The following DNM1 variants were observed in gnomAD, a reference collection of about 807,000 sequenced individuals.
The protein encoded by DNM1 is dynamin-1.
A neutral mutation model predicts 104.6 loss-of-function variants in DNM1; 29 were observed. The ratio of observed to expected loss-of-function variants is 0.28; its 90% CI spans 0.21 to 0.38. The LOEUF is 0.38. Ranked by LOEUF, DNM1 falls within the 10% of genes least tolerant of loss-of-function variation. The pLI is 1.00. For missense variants in DNM1, 640 were observed against 1,189.4 expected (o/e 0.54, Z 6.79); for synonymous variants, 445 against 475.8 (o/e 0.94, Z 0.84).
At position 128,222,725 on chromosome 9, in the gene DNM1, G is replaced by A; in HGVS notation, c.1129-68G>A. The A allele has an allele frequency of 1.2e-6, 2 of 1,605,700 alleles. No individual in the cohort carries two copies. Among genetic ancestry groups the A allele is most frequent in the South Asian group, 1.1e-5 (1 of 90,590 alleles). ...GATGCCCAGCCCTAGGTGTGGGGTG[G>A]GCCCTGTCTTGACCTCCCAGGTAGT... On this transcript the variant is annotated intron_variant, in intron 8 of 21. Coordinates refer to ENST00000372923, the MANE Select transcript of DNM1 (RefSeq NM_004408.4). The surrounding 1 kb of genome is among the most constrained non-coding windows in gnomAD (Gnocchi z 7.8).
At chr9:128,229,900 G>A (rs776357378) in intron 10 of DNM1, among the ~76,000 whole-genome samples, 12 of 151,462 alleles carry the variant, frequency 7.9e-5, no homozygotes, top group South Asian at 2.1e-4. Flanking sequence ...GTGACAGAGC[G>A]AGACTCCGTC....
rs1296184171 is a variant in DNM1 at position 128,253,744 on chromosome 9, A to G, written c.2535-910A>G. 5.5e-6 allele frequency: 2 copies of G among 363,352 alleles called. No individual in the cohort carries two copies. The highest frequency in any genetic ancestry group is 4.7e-5 in the Admixed American group (1 of 21,184). 22.5% of individuals were successfully genotyped at this position (363,352 alleles called of 1,614,324 possible). On this transcript the variant is annotated intron_variant, in intron 21 of 21. Coordinates refer to ENST00000372923, the MANE Select transcript of DNM1 (RefSeq NM_004408.4). This position sits in a 1 kb window ranked among gnomAD's most constrained non-coding sequence, Gnocchi z 5.9. ...ACGGTCATCCCACGACATACCTCAC[A>G]GGCCAGGCAGGGACACACAGCCCCC...
intron 20 of DNM1, 53 bp downstream of exon 20, chr9:128,250,409 G>A (rs1588458518): frequency 6.6e-7 from 1 of 1,504,058 alleles, no homozygotes; most frequent in Non-Finnish European, 8.9e-7. Context: ...GGGCCCGCGG[G>A]AGGAATGCCG....
chr9:128,235,713 T>C (rs1835970345), intron 11 of DNM1, among the ~76,000 whole-genome samples: 1 of 152,080 alleles, frequency 6.6e-6, no homozygotes, highest in Admixed American at 6.6e-5. Context: ...GCTGGTTCTA[T>C]GCTTATTTTT....
chr9:128,218,378 C>A lies in DNM1; in HGVS notation c.235+74C>A. Reference sequence around the variant, plus strand: ...CCCCCGTCCCCAAGCTGAGGGCCAGCCTGGCCACGAACTTGCTTGCTGTGT... The same window carrying A: ...CCCCCGTCCCCAAGCTGAGGGCCAGACTGGCCACGAACTTGCTTGCTGTGT... On this transcript the variant is annotated intron_variant, in intron 2 of 21. Transcript: ENST00000372923. The surrounding 1 kb of genome is among the most constrained non-coding windows in gnomAD (Gnocchi z 4.8). The A allele has an allele frequency of 6.4e-7, 1 of 1,552,400 alleles. No homozygotes were observed.
In DNM1 at chr9:128,224,379, G is replaced by A; in HGVS notation, c.1325G>A (p.Cys442Tyr). The A allele has an allele frequency of 6.2e-7, 1 of 1,609,792 alleles. No homozygotes were observed. The highest frequency in any genetic ancestry group is 8.5e-7 in the Non-Finnish European group (1 of 1,176,880). The part of the protein sequence containing the change: ...ISELISTVRQ[C>Y]TKKLQQYPRL... Reference sequence around the variant, plus strand: ...GAGCTAATCAGCACCGTTAGACAGTGCACCAAGAAGGTAACCCGGAGGCCC... The same window carrying A: ...GAGCTAATCAGCACCGTTAGACAGTACACCAAGAAGGTAACCCGGAGGCCC... Residue 442 changes from cysteine (C) to tyrosine (Y), a missense_variant, in exon 10 of 22, where the codon TGC becomes TAC. This residue lies in a region of DNM1 where 92 missense variants were observed against 124.4 expected (regional missense o/e 0.74). Coordinates refer to ENST00000372923, the MANE Select transcript of DNM1 (RefSeq NM_004408.4). This position sits in a 1 kb window ranked among gnomAD's most constrained non-coding sequence, Gnocchi z 4.3.
intron 1 of DNM1, among the ~76,000 whole-genome samples, chr9:128,204,667 G>T (rs1833795723): frequency 6.6e-6 from 1 of 152,114 alleles, no homozygotes; most frequent in South Asian, 2.1e-4. Context: ...TACTGGAGGT[G>T]GGTTGGGGGG....
intron 10 of DNM1, among the ~76,000 whole-genome samples, chr9:128,233,307 G>C (rs1835811600): frequency 6.6e-6 from 1 of 152,206 alleles, no homozygotes; most frequent in Admixed American, 6.5e-5. Flanking sequence ...AAGGGAGACA[G>C]AGCTGAATGG....
chr9:128,219,077 C>G lies in DNM1; in HGVS notation c.414C>G (p.Pro138=), dbSNP rs141748215. Residue 138 remains proline, a synonymous_variant, in exon 4 of 22, where the codon CCC becomes CCG. Transcript: ENST00000372923. ...HVLNLTLVDL[P]GMTKVPVGDQ... is the part of the protein sequence containing the mutation. ...TGAACCTGACCCTGGTGGACCTGCC[C>G]GGAATGACCAAGGTCCCGGTGGGGG... 2 of 1,614,120 alleles carry G rather than the reference C, an allele frequency of 1.2e-6. No individual in the cohort carries two copies. The highest frequency in any genetic ancestry group is 1.3e-5 in the African/African-American group (1 of 75,052).
Position 128,254,491 on chromosome 9 carries a change from C to A in DNM1, c.2535-163C>A. On this transcript the variant is annotated intron_variant, in intron 21 of 21. Coordinates refer to ENST00000372923, the MANE Select transcript of DNM1 (RefSeq NM_004408.4). The surrounding 1 kb of genome is among the most constrained non-coding windows in gnomAD (Gnocchi z 6.1). ...CTTCCTCCCCTTTCCCTTCCAGCCC[C>A]TTTTCCAGGAACCTTGCCACACCCA... 1 of 1,516,262 alleles carries A rather than the reference C, an allele frequency of 6.6e-7. No individual in the cohort carries two copies. 93.9% of individuals were successfully genotyped at this position (1,516,262 alleles called of 1,614,324 possible).
rs1836274835 is a variant in DNM1, at chr9:128,240,145, C to CA, written c.1557+150dup. 1.1e-6 allele frequency: 1 copy of CA among 932,734 alleles called. No homozygotes were observed. Among genetic ancestry groups the CA allele is most frequent in the African/African-American group, 1.6e-5 (1 of 61,732 alleles). 57.8% of individuals were successfully genotyped at this position (932,734 alleles called of 1,614,324 possible). A position where few individuals can be genotyped will look rare whatever the true frequency, so the allele number is the denominator to read the frequency against. ...TGGCATTTCACACCTGCCCTCAGGC[C>CA]AGAGGCAGGCCCAGCCGCATCCACC... On this transcript the variant is annotated intron_variant, in intron 14 of 21. Transcript: ENST00000372923. The surrounding 1 kb of genome is among the most constrained non-coding windows in gnomAD (Gnocchi z 5.1).
At position 128,245,264 on chromosome 9, in the gene DNM1, G is replaced by T. The variant is rs984652054; in HGVS notation, c.1672-1130G>T. Among the ~76,000 whole-genome samples the T allele has an allele frequency of 6.6e-6, 1 of 151,710 alleles. No homozygotes were observed. The highest frequency in any genetic ancestry group is 1.5e-5 in the Non-Finnish European group (1 of 67,896). On this transcript the variant is annotated intron_variant, in intron 15 of 21. Transcript: ENST00000372923. This position sits in a 1 kb window ranked among gnomAD's most constrained non-coding sequence, Gnocchi z 5.2. ...ATGTGGCTGCATGGGCCAGGGGGGC[G>T]TTGGGGGCAGAGAGGGGTGGGCGGG...
At chr9:128,211,600 G>A (rs912977983) in intron 1 of DNM1, among the ~76,000 whole-genome samples, 5 of 148,822 alleles carry the variant, frequency 3.4e-5, no homozygotes, top group Admixed American at 1.4e-4. Flanking sequence ...TTGAACTCCT[G>A]GCCCCAAGCG....
chr9:128,247,874 T>TTTC lies in DNM1; in HGVS notation c.1894-50_1894-49insTTC. 1 of 1,608,230 alleles carries TTTC rather than the reference T, an allele frequency of 6.2e-7. No homozygotes were observed. Among genetic ancestry groups the TTTC allele is most frequent in the African/African-American group, 1.3e-5 (1 of 74,846 alleles). On this transcript the variant is annotated intron_variant, in intron 17 of 21. Coordinates refer to ENST00000372923, the MANE Select transcript of DNM1 (RefSeq NM_004408.4). This position sits in a 1 kb window ranked among gnomAD's most constrained non-coding sequence, Gnocchi z 5.1. ...TTCCTCTCTGTGTTTCCTTCGGCTG[T>TTTC]GCTCCCTGGTGGTGGCGGCGGTGGC...
Position 128,220,289 on chromosome 9 carries a change from G to T in DNM1, c.797G>T (p.Arg266Leu), listed in dbSNP as rs200136679. 2 of 1,614,170 alleles carry T rather than the reference G, an allele frequency of 1.2e-6. No homozygotes were observed. The highest frequency in any genetic ancestry group is 2.2e-5 in the South Asian group (2 of 91,080). The change falls in exon 6 of 22, where the codon CGC becomes CTC. Residue 266 changes from arginine to leucine, a missense_variant. Around this residue, in one of 7 missense-constraint regions of DNM1, gnomAD observed 81 missense variants for 99.8 expected, o/e 0.81. Coordinates refer to ENST00000372923, the MANE Select transcript of DNM1 (RefSeq NM_004408.4). This position sits in a 1 kb window ranked among gnomAD's most constrained non-coding sequence, Gnocchi z 5.2. Reference protein sequence around the residue: ...RKFFLSHPSYRHLADRMGTPY... With the variant: ...RKFFLSHPSYLHLADRMGTPY... ...TTCTTCCTCTCCCATCCATCTTATC[G>T]CCACTTGGCTGACCGTATGGGCACG...
rs189485911 is a variant in DNM1 at position 128,209,992 on chromosome 9, G to A, written c.161+6361G>A. ...GCTCCATTCCCCAGGCCTAAGGGCA[G>A]TACTGATGTCTTCTATCATTCCAAG... On this transcript the variant is annotated intron_variant, in intron 1 of 21. Coordinates refer to ENST00000372923, the MANE Select transcript of DNM1 (RefSeq NM_004408.4). Among the ~76,000 whole-genome samples the A allele has an allele frequency of 3.5e-4, 53 of 152,322 alleles. 2 individuals are homozygous for A. The East Asian group carries it at 9.1e-3, about 26-fold the overall frequency.
In DNM1 at chr9:128,254,311, G is replaced by A. The variant is rs1829714947; in HGVS notation, c.2535-343G>A. 8 of 1,393,242 alleles carry A rather than the reference G, an allele frequency of 5.7e-6. No homozygotes were observed. In the South Asian group the frequency reaches 6.9e-5, roughly 12 times the overall value. The allele number at this position is 1,393,242 out of a possible 1,614,324, so 86.3% of individuals were successfully genotyped here. A position where few individuals can be genotyped will look rare whatever the true frequency, so the allele number is the denominator to read the frequency against. On this transcript the variant is annotated intron_variant, in intron 21 of 21. Coordinates refer to ENST00000372923, the MANE Select transcript of DNM1 (RefSeq NM_004408.4). This position sits in a 1 kb window ranked among gnomAD's most constrained non-coding sequence, Gnocchi z 6.1. ...CCAGGCCAGTGGGTTGGAAGACAGG[G>A]TGACCAGAGAAGAGGGAAGCCCGAG...
rs1836821592 is a variant in DNM1 at position 128,246,514 on chromosome 9, G to T, written c.1781+11G>T. The T allele has an allele frequency of 1.2e-6, 2 of 1,606,672 alleles. No individual in the cohort carries two copies. Among genetic ancestry groups the T allele is most frequent in the Non-Finnish European group, 1.7e-6 (2 of 1,173,458 alleles). On this transcript the variant is annotated intron_variant, in intron 16 of 21. Coordinates refer to ENST00000372923, the MANE Select transcript of DNM1 (RefSeq NM_004408.4). Reference sequence around the variant, plus strand: ...TAACACGGAGCAGAGGTGCCTGCCTGCCCCTGGCTGTGGCTGCTGCAGCCC... The same window carrying T: ...TAACACGGAGCAGAGGTGCCTGCCTTCCCCTGGCTGTGGCTGCTGCAGCCC...
chr9:128,246,149 C>T (rs1398586270), intron 15 of DNM1, among the ~76,000 whole-genome samples: 2 of 152,156 alleles, frequency 1.3e-5, no homozygotes, highest in Non-Finnish European at 2.9e-5. Context: ...CACTCTCAGC[C>T]TCCCCACCCC....
Sources: allele counts gnomAD v4.1 joint callset (sites outside exome capture counted in the v4.1 genomes callset), GRCh38; gene constraint gnomAD v4.1.1; regional missense constraint gnomAD v4.1.1; non-coding constraint Gnocchi (gnomAD v3.1); transcripts MANE v1.5; gene names NCBI Gene and HGNC (gene_info 2026-07-23, HGNC 2026-07-21).